TEX15: variants seen among roughly 807,000 people sequenced by gnomAD.
The protein encoded by TEX15 is testis-expressed protein 15.
A neutral mutation model predicts 237.3 loss-of-function variants in TEX15; 171 were observed. That is an observed-to-expected ratio of 0.72 (90% CI 0.64 to 0.82). The LOEUF (loss-of-function observed/expected upper bound fraction) is 0.82, where lower values mean the gene tolerates loss of function less well. TEX15 is among the 40% of genes least tolerant of loss of function. The probability of loss-of-function intolerance (pLI) is 0.00; values close to 1 mark genes in which losing one functional copy is unlikely to be tolerated. For missense variants in TEX15, 3,750 were observed against 3,646.5 expected (o/e 1.03, Z -0.73); for synonymous variants, 1,338 against 1,269.8 (o/e 1.05, Z -1.14).
At chr8:30,881,059 T>G (rs1382013278) in intron 3 of TEX15, among the ~76,000 whole-genome samples, 1 of 152,314 alleles carries the variant, frequency 6.6e-6, no homozygotes, top group East Asian at 1.9e-4. Context: ...TGGGTACAAC[T>G]TCCAGTATTA....
Position 30,845,341 on chromosome 8 carries a change from T to A in TEX15, c.4826A>T (p.Asn1609Ile), listed in dbSNP as rs762619352. 3 of 1,612,448 alleles carry A rather than the reference T, an allele frequency of 1.9e-6. No individual in the cohort carries two copies. In the South Asian group the frequency reaches 3.3e-5, roughly 18 times the overall value. Residue 1609 changes from asparagine (N) to isoleucine (I), a missense_variant, in exon 8 of 11, where the codon AAT becomes ATT. By Grantham distance (149) the Asn-to-Ile change is moderately radical. Coordinates refer to ENST00000643185, the MANE Select transcript of TEX15 (RefSeq NM_001350162.2). ...AGAATTACTTTCATTTATTACTTCA[T>A]TAGCGTCACAACTGTTTTCTTTAGT... Reference protein sequence around the residue: ...DATKENSCDANEVINESNSVS... With the variant: ...DATKENSCDAIEVINESNSVS...
At chr8:30,840,773 T>A (rs1807433067) in intron 8 of TEX15, among the ~76,000 whole-genome samples, 1 of 152,196 alleles carries the variant, frequency 6.6e-6, no homozygotes, top group South Asian at 2.1e-4. Flanking sequence ...GAATTTCATA[T>A]GACAGTACAC....
chr8:30,889,954 C>CATATATATATATATATGTACATAT, intron 2 of TEX15, among the ~76,000 whole-genome samples: 1 of 110,086 alleles, frequency 9.1e-6, no homozygotes, highest in Non-Finnish European at 1.8e-5. Context: ...TATATATATA[C>CATATATATATATATATGTACATAT]ATATATATAT....
At chr8:30,853,250 G>A (rs1470181854) in intron 7 of TEX15, among the ~76,000 whole-genome samples, 1 of 152,098 alleles carries the variant, frequency 6.6e-6, no homozygotes, top group Non-Finnish European at 1.5e-5. Flanking sequence ...AATCGTCAAG[G>A]AAAGAGAACA....
chr8:30,880,915 TTTTCC>T (rs1808506000), intron 3 of TEX15, among the ~76,000 whole-genome samples: 1 of 151,598 alleles, frequency 6.6e-6, no homozygotes, highest in Non-Finnish European at 1.5e-5. Context: ...TAGTTCCAAG[TTTTCC>T]TTTCTTTTTT....
chr8:30,863,029 G>C (rs1027873886), intron 5 of TEX15, among the ~76,000 whole-genome samples: 1 of 152,046 alleles, frequency 6.6e-6, no homozygotes, highest in Non-Finnish European at 1.5e-5. Context: ...TAACTATTTT[G>C]GATCTCTGGA....
chr8:30,908,730 G>A (rs909588090), intron 1 of TEX15, among the ~76,000 whole-genome samples: 2 of 152,106 alleles, frequency 1.3e-5, no homozygotes, highest in Non-Finnish European at 2.9e-5. Flanking sequence ...TTCATCTCTC[G>A]ATATTACTGC....
chr8:30,868,652 C>G (rs1240413350), intron 4 of TEX15, among the ~76,000 whole-genome samples: 1 of 152,006 alleles, frequency 6.6e-6, no homozygotes, highest in Admixed American at 6.6e-5. Context: ...CTAGAAATGT[C>G]AGCCTTAACT....
Position 30,859,964 on chromosome 8 carries a change from T to C in TEX15, c.634A>G (p.Arg212Gly), listed in dbSNP as rs745357126. 10 of 1,518,880 alleles carry C rather than the reference T, an allele frequency of 6.6e-6. No individual in the cohort carries two copies. In the East Asian group the frequency reaches 2.5e-4, roughly 38 times the overall value. 94.1% of individuals were successfully genotyped at this position (1,518,880 alleles called of 1,614,324 possible). Reference sequence around the variant, plus strand: ...GTATCTTTCAAAGAAGGTGCATTTCTTGACATATGGCAATCAAAGTTAGGA... The same window carrying C: ...GTATCTTTCAAAGAAGGTGCATTTCCTGACATATGGCAATCAAAGTTAGGA... ...PSPNFDCHMS[R>G]NAPSLKDTIE... The change falls in exon 6 of 11, where the codon AGA (arginine) becomes GGA (glycine). Residue 212 changes from arginine to glycine, a missense_variant. Physicochemically the swap from Arg to Gly is moderately radical, Grantham distance 125. Transcript: ENST00000643185.
intron 2 of TEX15, among the ~76,000 whole-genome samples, chr8:30,896,399 CA>C (rs1302972343): frequency 6.6e-6 from 1 of 152,096 alleles, no homozygotes; most frequent in African/African-American, 2.4e-5. Context: ...CTTTTAGAAA[CA>C]GATTACCAAA....
intron 1 of TEX15, among the ~76,000 whole-genome samples, chr8:30,904,150 A>C (rs1809054253): frequency 6.6e-6 from 1 of 152,202 alleles, no homozygotes; most frequent in African/African-American, 2.4e-5. Flanking sequence ...AATAATAATA[A>C]AACGACCTTA....
rs1359990085 is a variant in TEX15, at chr8:30,843,074, C to A, written c.7093G>T (p.Ala2365Ser). 6.2e-7 allele frequency: 1 copy of A among 1,613,210 alleles called. No homozygotes were observed. Among genetic ancestry groups the A allele is most frequent in the Non-Finnish European group, 8.5e-7 (1 of 1,179,636 alleles). ...ENSKFNSNLL[A>S]HPDICCISEI... ...CTAATACAACAAATATCTGGGTGTG[C>A]AAGCAAATTACTGTTAAATTTAGAA... The change falls in exon 8 of 11, where the codon GCA (alanine) becomes TCA (serine). Residue 2365 changes from alanine (A) to serine (S), a missense_variant. Physicochemically the swap from Ala to Ser is moderately conservative, Grantham distance 99. Transcript: ENST00000643185.
In TEX15 at chr8:30,839,952, C is replaced by T. The variant is rs2128766745; in HGVS notation, c.8176G>A (p.Asp2726Asn). Reference sequence around the variant, plus strand: ...TTTTCTCTGTTGATTTTTGTGACATCTTTCATGTCTACCTGTGTTTAAAAG... The same window carrying T: ...TTTTCTCTGTTGATTTTTGTGACATTTTTCATGTCTACCTGTGTTTAAAAG... ...SCKKLKVDMK[D>N]VTKINREKAT... Residue 2726 changes from aspartate (D) to asparagine (N), a missense_variant, in exon 9 of 11, where the codon GAT becomes AAT. Physicochemically the swap from Asp to Asn is conservative, Grantham distance 23. Transcript: ENST00000643185. The T allele has an allele frequency of 6.3e-7, 1 of 1,597,752 alleles. No homozygotes were observed. Among genetic ancestry groups the T allele is most frequent in the Non-Finnish European group, 8.5e-7 (1 of 1,171,840 alleles).
rs1460094178 is a variant in TEX15 at position 30,837,437 on chromosome 8, C to T, written c.8847G>A (p.Leu2949=). Residue 2949 remains leucine (L), a synonymous_variant, in exon 10 of 11, where the codon CTG becomes CTA. Transcript: ENST00000643185. Reference sequence around the variant, plus strand: ...CTGTAGGCTGTAGTTTGTTTATCTGCAGAGTAGGAATTTTGTTCTGGATAC... The same window carrying T: ...CTGTAGGCTGTAGTTTGTTTATCTGTAGAGTAGGAATTTTGTTCTGGATAC... ...PICIQNKIPT[L]QINKLQPTET... 1 of 1,614,076 alleles carries T rather than the reference C, an allele frequency of 6.2e-7. No individual in the cohort carries two copies. Among genetic ancestry groups the T allele is most frequent in the Non-Finnish European group, 8.5e-7 (1 of 1,180,014 alleles).
chr8:30,862,597 T>C (rs1808074113), intron 5 of TEX15, among the ~76,000 whole-genome samples: 1 of 152,194 alleles, frequency 6.6e-6, no homozygotes, highest in African/African-American at 2.4e-5. Flanking sequence ...AAGTAAATTA[T>C]GCTTAATTTG....
At chr8:30,838,741 C>T (rs1807369860) in intron 9 of TEX15, among the ~76,000 whole-genome samples, 1 of 137,292 alleles carries the variant, frequency 7.3e-6, no homozygotes, top group Non-Finnish European at 1.6e-5. Flanking sequence ...CACATACACA[C>T]ATATGTATGT....
chr8:30,872,210 A>G (rs1248432809), intron 4 of TEX15, among the ~76,000 whole-genome samples: 3 of 152,136 alleles, frequency 2.0e-5, no homozygotes, highest in African/African-American at 7.2e-5. Context: ...TGCATTTAAA[A>G]TACAGTCATG....
chr8:30,889,004 G>C (rs1296848693), intron 2 of TEX15, among the ~76,000 whole-genome samples: 3 of 152,190 alleles, frequency 2.0e-5, no homozygotes, highest in Admixed American at 6.5e-5. Context: ...TCACCTCGCA[G>C]TTTAGTAAGG....
chr8:30,882,102 T>A (rs1429392519), intron 3 of TEX15, among the ~76,000 whole-genome samples: 1 of 152,212 alleles, frequency 6.6e-6, no homozygotes, highest in African/African-American at 2.4e-5. Context: ...TAAAATCCCA[T>A]GACTATTTCA....
Sources: allele counts gnomAD v4.1 joint callset (sites outside exome capture counted in the v4.1 genomes callset), GRCh38; gene constraint gnomAD v4.1.1; transcripts MANE v1.5; gene names NCBI Gene and HGNC (gene_info 2026-07-23, HGNC 2026-07-21).